MAP2K6: variants seen among roughly 807,000 people sequenced by gnomAD.
The protein encoded by MAP2K6 is mitogen-activated protein kinase kinase 6, also known as dual specificity mitogen-activated protein kinase kinase 6.
MAP2K6 carries 16 observed loss-of-function variants against 53.7 expected under a neutral mutation model. That is an observed-to-expected ratio of 0.30 (90% CI 0.20 to 0.45). The LOEUF is 0.45. Ranked by LOEUF, MAP2K6 falls within the 20% of genes least tolerant of loss-of-function variation. MAP2K6 has a pLI of 1.00. For synonymous variants in MAP2K6, 132 were observed against 143.1 expected (o/e 0.92, Z 0.55); for missense variants, 204 against 411.9 (o/e 0.50, Z 4.37).
chr17:69,504,115 T>C (rs2145219595), intron 1 of MAP2K6, among the ~76,000 whole-genome samples: 1 of 151,784 alleles, frequency 6.6e-6, no homozygotes, highest in African/African-American at 2.4e-5. Context: ...AGCAAGTCAC[T>C]GAAGTCTTTG....
At chr17:69,428,857 TG>T (rs139514199) in intron 1 of MAP2K6, among the ~76,000 whole-genome samples, 10,075 of 116,794 alleles carry the variant, frequency 0.086, 1,030 homozygotes, top group African/African-American at 0.27. Context: ...CTTCTGTTTT[TG>T]TTTTTGTTTT....
At chr17:69,531,069 G>A (rs190193807) in intron 10 of MAP2K6, among the ~76,000 whole-genome samples, 8 of 141,866 alleles carry the variant, frequency 5.6e-5, no homozygotes, top group African/African-American at 1.0e-4. Context: ...TTTTTTTTTC[G>A]TGAGCTCCAT....
intron 1 of MAP2K6, among the ~76,000 whole-genome samples, chr17:69,499,407 C>T (rs960623483): frequency 5.9e-5 from 9 of 152,188 alleles, no homozygotes; most frequent in Non-Finnish European, 8.8e-5. Flanking sequence ...TAATGACCTG[C>T]GGAGATTGTA....
rs1183019163 is a variant in MAP2K6 at position 69,551,537 on chromosome 17, A to AT, written c.*9785dup. 6.6e-6 allele frequency: 1 copy of AT among 152,230 alleles called. No individual in the cohort carries two copies. Among genetic ancestry groups the AT allele is most frequent in the Admixed American group, 6.5e-5 (1 of 15,280 alleles). 9.4% of individuals were successfully genotyped at this position (152,230 alleles called of 1,614,324 possible). A position where few individuals can be genotyped will look rare whatever the true frequency, so the allele number is the denominator to read the frequency against. On this transcript the variant is annotated 3_prime_UTR_variant, in exon 12 of 12. Transcript: ENST00000590474. ...TTCACAGCAACTGTTTTAGAAAACT[A>AT]TATGTGCCAAAAATTTACATTGGGC...
intron 1 of MAP2K6, among the ~76,000 whole-genome samples, chr17:69,479,369 C>T (rs1283520413): frequency 6.6e-6 from 1 of 152,090 alleles, no homozygotes; most frequent in Non-Finnish European, 1.5e-5. Context: ...GTACTTAACA[C>T]AAAGTTTGCT....
chr17:69,456,264 C>T (rs1305928902), intron 1 of MAP2K6, among the ~76,000 whole-genome samples: 2 of 152,118 alleles, frequency 1.3e-5, no homozygotes, highest in East Asian at 1.9e-4. Context: ...TGGTCTGGAG[C>T]GGTGAGTGCC....
chr17:69,495,491 C>T (rs1212557079), intron 1 of MAP2K6, among the ~76,000 whole-genome samples: 1 of 152,156 alleles, frequency 6.6e-6, no homozygotes, highest in African/African-American at 2.4e-5. Context: ...TCGCCTCAGC[C>T]TCCCAAAGTG....
intron 1 of MAP2K6, among the ~76,000 whole-genome samples, chr17:69,450,506 T>C (rs1348756733): frequency 1.3e-5 from 2 of 152,142 alleles, no homozygotes; most frequent in Admixed American, 6.6e-5. Context: ...ACAGAGACCC[T>C]TGGGTTTGGG....
At chr17:69,522,549 A>G (rs1252550654) in intron 7 of MAP2K6, among the ~76,000 whole-genome samples, 1 of 152,096 alleles carries the variant, frequency 6.6e-6, no homozygotes, top group Non-Finnish European at 1.5e-5. Context: ...ATTAGCTGTA[A>G]TTTCAAATGT....
At chr17:69,507,244 T>C (rs926389654) in intron 2 of MAP2K6, among the ~76,000 whole-genome samples, 1 of 152,280 alleles carries the variant, frequency 6.6e-6, no homozygotes, top group East Asian at 1.9e-4. Context: ...GTTAACATCT[T>C]ACACAACTAT....
chr17:69,436,948 C>T (rs1354820330), intron 1 of MAP2K6, among the ~76,000 whole-genome samples: 1 of 152,068 alleles, frequency 6.6e-6, no homozygotes, highest in African/African-American at 2.4e-5. Context: ...CCTCAGCCTC[C>T]CAAGTAGCTG....
rs1911875367 is a variant in MAP2K6, at chr17:69,546,253, AT to A, written c.*4506del. The A allele has an allele frequency of 6.6e-6, 1 of 152,168 alleles. No homozygotes were observed. 9.4% of individuals were successfully genotyped at this position (152,168 alleles called of 1,614,324 possible). On this transcript the variant is annotated 3_prime_UTR_variant, in exon 12 of 12. Coordinates refer to ENST00000590474, the MANE Select transcript of MAP2K6 (RefSeq NM_002758.4). ...CTTCTTGCTTGCCATTGGCTAATTC[AT>A]TTTTTAACTGCAACCCTACTCTTCT...
rs17223054 is a variant in MAP2K6, at chr17:69,547,171, G to A, written c.*5418G>A. On this transcript the variant is annotated 3_prime_UTR_variant, in exon 12 of 12. Coordinates refer to ENST00000590474, the MANE Select transcript of MAP2K6 (RefSeq NM_002758.4). ...CAGGAAAATTTACATTGTATATGAA[G>A]CACATAATTTTGCAAACTTTTTTTG... 32,845 of 151,856 alleles carry A rather than the reference G, an allele frequency of 0.22. 4,307 individuals carry two copies. Among genetic ancestry groups the A allele is most frequent in the African/African-American group, 0.37 (15,220 of 41,392 alleles). 9.4% of individuals were successfully genotyped at this position (151,856 alleles called of 1,614,324 possible). A position where few individuals can be genotyped will look rare whatever the true frequency, so the allele number is the denominator to read the frequency against.
intron 1 of MAP2K6, among the ~76,000 whole-genome samples, chr17:69,496,802 G>C (rs150552370): frequency 6.6e-6 from 1 of 151,740 alleles, no homozygotes; most frequent in Admixed American, 6.6e-5. Flanking sequence ...TCTGCCATGC[G>C]TCCCGTCCCT....
At chr17:69,511,658 G>A (rs886981261) in intron 2 of MAP2K6, among the ~76,000 whole-genome samples, 1 of 152,304 alleles carries the variant, frequency 6.6e-6, no homozygotes, top group East Asian at 1.9e-4. Context: ...ACGATGCAAC[G>A]GTCAGGTGCA....
At chr17:69,532,698 C>T (rs1385575453) in intron 10 of MAP2K6, among the ~76,000 whole-genome samples, 1 of 152,110 alleles carries the variant, frequency 6.6e-6, no homozygotes, top group Admixed American at 6.5e-5. Context: ...TGGGTTATAT[C>T]AGTTCCATTA....
rs773864781 is a variant in MAP2K6 at position 69,536,082 on chromosome 17, C to T, written c.882-33C>T. 2.8e-6 allele frequency: 4 copies of T among 1,430,886 alleles called. No individual in the cohort carries two copies. The Admixed American group carries it at 5.1e-5, about 18-fold the overall frequency. The allele number at this position is 1,430,886 out of a possible 1,614,324, so 88.6% of individuals were successfully genotyped here. A position where few individuals can be genotyped will look rare whatever the true frequency, so the allele number is the denominator to read the frequency against. On this transcript the variant is annotated intron_variant, in intron 10 of 11. Coordinates refer to ENST00000590474, the MANE Select transcript of MAP2K6 (RefSeq NM_002758.4). ...TGTCTAATGAAAATATATATGGCTTCTAGATTTTAATGATTATTTTTTTTT... is the reference window on the plus strand; with the variant it reads ...TGTCTAATGAAAATATATATGGCTTTTAGATTTTAATGATTATTTTTTTTT...
intron 1 of MAP2K6, among the ~76,000 whole-genome samples, chr17:69,489,901 T>G (rs1908678257): frequency 1.3e-5 from 2 of 152,220 alleles, no homozygotes; most frequent in African/African-American, 4.8e-5. Context: ...TGTGTTCTTT[T>G]GCTAGGCTAT....
At position 69,495,840 on chromosome 17, in the gene MAP2K6, A is replaced by T. The variant is rs1429722601; in HGVS notation, c.17-9940A>T. On this transcript the variant is annotated intron_variant, in intron 1 of 11. Transcript: ENST00000590474. ...AACCCATTGCCATTTTTTATTTTAA[A>T]GTGATGTTTTTAACACCCTTATGAC... Among the ~76,000 whole-genome samples, 2 of 152,138 alleles carry T rather than the reference A, an allele frequency of 1.3e-5. 1 individual carries two copies. The highest frequency in any genetic ancestry group is 2.9e-5 in the Non-Finnish European group (2 of 68,030).
Sources: gnomAD v4.1 joint callset for allele counts (sites outside exome capture counted in the v4.1 genomes callset) on GRCh38, gnomAD v4.1.1 for gene constraint, MANE v1.5 for transcripts, NCBI Gene and HGNC (gene_info 2026-07-23, HGNC 2026-07-21) for gene names.